TMEM108: variants seen among roughly 807,000 people sequenced by gnomAD.
TMEM108 encodes the protein cancer/testis antigen 124.
In TMEM108, 12 loss-of-function variants were observed where a neutral mutation model predicts 35.1. The ratio of observed to expected loss-of-function variants is 0.34; its 90% CI spans 0.22 to 0.55. The LOEUF (loss-of-function observed/expected upper bound fraction) is 0.55, where lower values mean the gene tolerates loss of function less well. Ranked by LOEUF, TMEM108 falls within the 20% of genes least tolerant of loss-of-function variation. The probability of loss-of-function intolerance (pLI) is 0.89; values close to 1 mark genes in which losing one functional copy is unlikely to be tolerated. For synonymous variants in TMEM108, 287 were observed against 308.6 expected (o/e 0.93, Z 0.73); for missense variants, 680 against 753.3 (o/e 0.90, Z 1.14).
At chr3:133,225,370 G>A (rs1168143508) in intron 2 of TMEM108, among the ~76,000 whole-genome samples, 1 of 152,022 alleles carries the variant, frequency 6.6e-6, no homozygotes, top group Non-Finnish European at 1.5e-5. Context: ...GTGTAATGTA[G>A]AGCACTTTAT....
At position 133,346,780 on chromosome 3, in the gene TMEM108, A is replaced by G. The variant is rs2071830939; in HGVS notation, c.41-32972A>G. Reference sequence around the variant, plus strand: ...TACAAGTTCTATAGTTTTGCATTTTACATTTAGGTCTATGACCCATGTTGA... The same window carrying G: ...TACAAGTTCTATAGTTTTGCATTTTGCATTTAGGTCTATGACCCATGTTGA... On this transcript the variant is annotated intron_variant, in intron 3 of 5. Transcript: ENST00000321871. This position sits in a 1 kb window ranked among gnomAD's most constrained non-coding sequence, Gnocchi z 4.0. Among the ~76,000 whole-genome samples the G allele has an allele frequency of 6.6e-6, 1 of 152,078 alleles. No individual in the cohort carries two copies. The highest frequency in any genetic ancestry group is 2.4e-5 in the African/African-American group (1 of 41,452).
chr3:133,344,958 G>GT (rs1182311474), intron 3 of TMEM108, among the ~76,000 whole-genome samples: 12 of 151,860 alleles, frequency 7.9e-5, no homozygotes, highest in Non-Finnish European at 1.6e-4. Context: ...CCAAAAAGAA[G>GT]TTTTTTACTA....
intron 2 of TMEM108, among the ~76,000 whole-genome samples, chr3:133,110,954 A>G (rs1339758524): frequency 1.3e-5 from 2 of 152,208 alleles, no homozygotes; most frequent in African/African-American, 4.8e-5. Flanking sequence ...GGGGCTTCTC[A>G]ACATGGAAAG....
chr3:133,365,546 C>T (rs2072479643), intron 3 of TMEM108, among the ~76,000 whole-genome samples: 1 of 152,160 alleles, frequency 6.6e-6, no homozygotes, highest in Non-Finnish European at 1.5e-5. Context: ...GAGCCACTTT[C>T]TCTTACTCCC....
chr3:133,308,857 AG>A (rs141497731), intron 3 of TMEM108, among the ~76,000 whole-genome samples: 2,833 of 152,300 alleles, frequency 0.019, 88 homozygotes, highest in African/African-American at 0.065. Flanking sequence ...CTTTGGTATC[AG>A]GATGATACTG....
At chr3:133,155,433 C>T (rs757007462) in intron 2 of TMEM108, among the ~76,000 whole-genome samples, 22 of 152,060 alleles carry the variant, frequency 1.4e-4, no homozygotes, top group Non-Finnish European at 2.6e-4. Flanking sequence ...TGAGGAATTA[C>T]CACATCCACA....
intron 2 of TMEM108, among the ~76,000 whole-genome samples, chr3:133,166,674 G>C (rs1257661730): frequency 1.3e-5 from 2 of 152,200 alleles, no homozygotes; most frequent in Non-Finnish European, 2.9e-5. Flanking sequence ...GTGGGTTCAT[G>C]GTCTCGCTGG....
intron 3 of TMEM108, among the ~76,000 whole-genome samples, chr3:133,314,898 G>A (rs1044606488): frequency 6.6e-6 from 1 of 152,176 alleles, no homozygotes; most frequent in African/African-American, 2.4e-5. Context: ...ATAGCTCTTT[G>A]CCCTTTCAAG....
chr3:133,069,084 G>C (rs137926507), intron 2 of TMEM108, among the ~76,000 whole-genome samples: 1 of 152,186 alleles, frequency 6.6e-6, no homozygotes, highest in East Asian at 1.9e-4. Context: ...GGTTGTGAGA[G>C]CCCTTGAATG....
chr3:133,240,982 A>G (rs964011025), intron 3 of TMEM108, among the ~76,000 whole-genome samples: 2 of 152,230 alleles, frequency 1.3e-5, no homozygotes, highest in Non-Finnish European at 2.9e-5. Flanking sequence ...GTCCTCACCC[A>G]GATTTGAATT....
At chr3:133,098,209 A>G (rs1399619821) in intron 2 of TMEM108, among the ~76,000 whole-genome samples, 2 of 152,230 alleles carry the variant, frequency 1.3e-5, no homozygotes, top group Non-Finnish European at 1.5e-5. Context: ...CACTTCTTAC[A>G]TGGCAGCGGC....
At chr3:133,311,050 C>T (rs1312215458) in intron 3 of TMEM108, among the ~76,000 whole-genome samples, 1 of 152,064 alleles carries the variant, frequency 6.6e-6, no homozygotes, top group African/African-American at 2.4e-5. Context: ...GAATATTGAC[C>T]CCCACTCTCT....
chr3:133,298,854 A>G (rs1016053172), intron 3 of TMEM108, among the ~76,000 whole-genome samples: 3 of 152,170 alleles, frequency 2.0e-5, no homozygotes, highest in African/African-American at 7.2e-5. Context: ...AACTGCTTAT[A>G]GTTTTTTATA....
At chr3:133,388,215 G>T (rs2073182893) in intron 4 of TMEM108, 2 of 985,334 alleles carry the variant, frequency 2.0e-6, no homozygotes, top group Non-Finnish European at 2.4e-6. Flanking sequence ...ACTCCTCCAG[G>T]TGTTTCACCA....
chr3:133,042,958 G>A (rs946768985), intron 1 of TMEM108, among the ~76,000 whole-genome samples: 4 of 152,222 alleles, frequency 2.6e-5, no homozygotes, highest in South Asian at 2.1e-4. Context: ...AGCATGAATA[G>A]CTTTGAGTTT....
chr3:133,318,329 A>G (rs1389792203), intron 3 of TMEM108, among the ~76,000 whole-genome samples: 1 of 152,230 alleles, frequency 6.6e-6, no homozygotes, highest in African/African-American at 2.4e-5. Context: ...GGGGATAGTA[A>G]CTGGTTTACA....
At chr3:133,341,419 C>T (rs1043697804) in intron 3 of TMEM108, among the ~76,000 whole-genome samples, 1 of 151,716 alleles carries the variant, frequency 6.6e-6, no homozygotes, top group Non-Finnish European at 1.5e-5. Flanking sequence ...GAAAGATATA[C>T]CGTGTCTATG....
At chr3:133,229,557 T>C (rs1946120916) in intron 3 of TMEM108, among the ~76,000 whole-genome samples, 1 of 152,220 alleles carries the variant, frequency 6.6e-6, no homozygotes, top group Admixed American at 6.5e-5. Flanking sequence ...CAGTTTTTCC[T>C]AAATTCCAAA....
At chr3:133,080,371 A>G (rs1216746480) in intron 2 of TMEM108, among the ~76,000 whole-genome samples, 1 of 152,246 alleles carries the variant, frequency 6.6e-6, no homozygotes, top group Non-Finnish European at 1.5e-5. Context: ...ACTGATTTAC[A>G]TAAAGTATGA....
Sources: gnomAD v4.1 joint callset for allele counts (sites outside exome capture counted in the v4.1 genomes callset) on GRCh38, gnomAD v4.1.1 for gene constraint, Gnocchi (gnomAD v3.1) non-coding constraint, MANE v1.5 for transcripts, NCBI Gene and HGNC (gene_info 2026-07-23, HGNC 2026-07-21) for gene names.